FERMT3: variants seen among roughly 807,000 people sequenced by gnomAD.
FERMT3 encodes fermitin family homolog 3.
A neutral mutation model predicts 80.8 loss-of-function variants in FERMT3; 33 were observed. That is an observed-to-expected ratio of 0.41 (90% CI 0.31 to 0.55). The LOEUF (loss-of-function observed/expected upper bound fraction) is 0.55. Among genes scored for constraint, FERMT3 ranks in the 20% least tolerant of loss-of-function variants. The probability of loss-of-function intolerance (pLI) is 0.31; values close to 1 mark genes in which losing one functional copy is unlikely to be tolerated. For synonymous variants in FERMT3, 375 were observed against 372.2 expected (o/e 1.01, Z -0.09); for missense variants, 754 against 908.7 (o/e 0.83, Z 2.19).
At chr11:64,218,073 G>T (rs1398417352) in intron 6 of FERMT3, among the ~76,000 whole-genome samples, 1 of 139,854 alleles carries the variant, frequency 7.2e-6, no homozygotes, top group Non-Finnish European at 1.5e-5. Context: ...GCACGATCTC[G>T]GCTCACTGCA....
intron 6 of FERMT3, among the ~76,000 whole-genome samples, chr11:64,214,148 G>A (rs1946500364): frequency 1.4e-5 from 2 of 144,376 alleles, no homozygotes; most frequent in Admixed American, 6.9e-5. Context: ...TGCTCAAATG[G>A]TTTTGAAGTT....
Position 64,219,923 on chromosome 11 carries a change from A to G in FERMT3, c.1112A>G (p.Gln371Arg). Residue 371 changes from glutamine to arginine, a missense_variant, in exon 10 of 15, where the codon CAA becomes CGA. Gln to Arg is a conservative substitution (Grantham distance 43). Transcript: ENST00000345728. The surrounding 1 kb of genome is among the most constrained non-coding windows in gnomAD (Gnocchi z 4.0). The part of the protein sequence containing the change: ...PRKLTLKGYR[Q>R]HWVVFKETTL... ...AAGCTGACCCTGAAGGGCTACCGCC[A>G]ACACTGGGTGGTGTTCAAGGAGACC... 6.2e-7 allele frequency: 1 copy of G among 1,613,922 alleles called. No individual in the cohort carries two copies. Among genetic ancestry groups the G allele is most frequent in the Non-Finnish European group, 8.5e-7 (1 of 1,180,002 alleles).
chr11:64,212,176 G>A (rs1946457086), intron 6 of FERMT3, among the ~76,000 whole-genome samples: 1 of 152,190 alleles, frequency 6.6e-6, no homozygotes. Flanking sequence ...GGTGAGGAAG[G>A]AAGCTTTGCA....
At chr11:64,221,190 T>A in intron 13 of FERMT3, 50 bp downstream of exon 13, 1 of 1,571,292 alleles carries the variant, frequency 6.4e-7, no homozygotes, top group Non-Finnish European at 8.7e-7. Flanking sequence ...TGCCCTCACC[T>A]GCCACCCGGC....
chr11:64,207,295 A>C (rs1946332138), intron 1 of FERMT3, 56 bp from the exon 2 acceptor site: 1 of 1,610,404 alleles, frequency 6.2e-7, no homozygotes, highest in South Asian at 1.1e-5. Flanking sequence ...TCTTCTGCCC[A>C]AACCCGGAGG....
chr11:64,211,395 G>T lies in FERMT3; in HGVS notation c.635G>T (p.Arg212Leu). 6.2e-7 allele frequency: 1 copy of T among 1,604,960 alleles called. No individual in the cohort carries two copies. The highest frequency in any genetic ancestry group is 2.2e-5 in the East Asian group (1 of 44,458). Residue 212 changes from arginine (R) to leucine (L), a missense_variant, in exon 5 of 15, where the codon CGT (arginine) becomes CTT (leucine). Transcript: ENST00000345728. The surrounding 1 kb of genome is among the most constrained non-coding windows in gnomAD (Gnocchi z 4.7). ...QPPPDPLLLQ[R>L]LPRPSSLSDK... Reference sequence around the variant, plus strand: ...CCACCCGACCCCCTCCTGCTCCAGCGTCTGCCACGGCCCAGCTCCCTGTCA... The same window carrying T: ...CCACCCGACCCCCTCCTGCTCCAGCTTCTGCCACGGCCCAGCTCCCTGTCA...
chr11:64,213,755 T>G (rs560931829), intron 6 of FERMT3, among the ~76,000 whole-genome samples: 2 of 150,682 alleles, frequency 1.3e-5, no homozygotes, highest in Admixed American at 6.6e-5. Context: ...ATGGACGGGG[T>G]TTCTCCATGT....
chr11:64,216,225 C>A lies in FERMT3; in HGVS notation c.787-3026C>A, dbSNP rs1946546152. 2.9e-5 allele frequency among the ~76,000 whole-genome samples: 4 copies of A among 138,792 alleles called. No individual in the cohort carries two copies. The Admixed American group carries it at 2.9e-4, about 10-fold the overall frequency. 91.1% of individuals were successfully genotyped at this position (138,792 alleles called of 152,430 possible). On this transcript the variant is annotated intron_variant, in intron 6 of 14. Transcript: ENST00000345728. ...TTTTTTTTTTTTTTTGAGATGGAGT[C>A]TTCTTCTGTCACCCAGGCTGGAGTG...
intron 12 of FERMT3, 52 bp downstream of exon 12, chr11:64,220,721 C>T: frequency 6.7e-7 from 1 of 1,500,782 alleles, no homozygotes; most frequent in Non-Finnish European, 9.1e-7. Context: ...CCAGAGACCT[C>T]TGACCCCTGG....
In FERMT3 at chr11:64,223,854, T is replaced by C. The variant is rs371675666; in HGVS notation, c.*362T>C. On this transcript the variant is annotated 3_prime_UTR_variant, in exon 15 of 15. Coordinates refer to ENST00000345728, the MANE Select transcript of FERMT3 (RefSeq NM_031471.6). The stretch of plus-strand genomic sequence containing the variant: ...GTTCTTTCTTGTTACTTTTTAAAAT[T>C]TCTTTTTTATAAATTAATATTTTAT... 5 of 1,489,778 alleles carry C rather than the reference T, an allele frequency of 3.4e-6. No individual in the cohort carries two copies. In the African/African-American group the frequency reaches 5.7e-5, roughly 17 times the overall value. 92.3% of individuals were successfully genotyped at this position (1,489,778 alleles called of 1,614,324 possible). A position where few individuals can be genotyped will look rare whatever the true frequency, so the allele number is the denominator to read the frequency against.
At position 64,223,842 on chromosome 11, in the gene FERMT3, AC is replaced by A. The variant is rs747018387; in HGVS notation, c.*351del. 7.1e-7 allele frequency: 1 copy of A among 1,403,566 alleles called. No individual in the cohort carries two copies. The highest frequency in any genetic ancestry group is 1.3e-5 in the South Asian group (1 of 75,872). The allele number at this position is 1,403,566 out of a possible 1,614,324, so 86.9% of individuals were successfully genotyped here. On this transcript the variant is annotated 3_prime_UTR_variant, in exon 15 of 15. Transcript: ENST00000345728. ...GGTTTCAAACGAGTTCTTTCTTGTTACTTTTTAAAATTTCTTTTTTATAAAT... is the reference window on the plus strand; with the variant it reads ...GGTTTCAAACGAGTTCTTTCTTGTTATTTTTAAAATTTCTTTTTTATAAAT...
At position 64,219,263 on chromosome 11, in the gene FERMT3, C is replaced by A. The variant is rs200298184; in HGVS notation, c.799C>A (p.Arg267=). The change falls in exon 7 of 15, where the codon CGG becomes AGG. Residue 267 remains arginine (R), a synonymous_variant. Coordinates refer to ENST00000345728, the MANE Select transcript of FERMT3 (RefSeq NM_031471.6). This position sits in a 1 kb window ranked among gnomAD's most constrained non-coding sequence, Gnocchi z 4.0. ...FDLDPKTDPV[R]LTQLYEQARW... is the part of the protein sequence containing the mutation. Reference sequence around the variant, plus strand: ...CCCCCCGCTCCAGACAGACCCCGTGCGGCTGACACAGCTGTATGAGCAGGC... The same window carrying A: ...CCCCCCGCTCCAGACAGACCCCGTGAGGCTGACACAGCTGTATGAGCAGGC... The A allele has an allele frequency of 3.1e-6, 5 of 1,598,550 alleles. No individual in the cohort carries two copies. Among genetic ancestry groups the A allele is most frequent in the South Asian group, 2.3e-5 (2 of 88,650 alleles).
At chr11:64,222,765 C>G (rs1481892142) in intron 13 of FERMT3, among the ~76,000 whole-genome samples, 1 of 152,124 alleles carries the variant, frequency 6.6e-6, no homozygotes, top group Non-Finnish European at 1.5e-5. Flanking sequence ...AGGGAGACAG[C>G]AGTTGATGAG....
At chr11:64,215,262 A>C (rs939650186) in intron 6 of FERMT3, among the ~76,000 whole-genome samples, 1 of 152,190 alleles carries the variant, frequency 6.6e-6, no homozygotes, top group Non-Finnish European at 1.5e-5. Flanking sequence ...TCTGCTTTCC[A>C]TGTGGCTTTA....
At position 64,220,109 on chromosome 11, in the gene FERMT3, C is replaced by T. The variant is rs1296678409; in HGVS notation, c.1204+94C>T. The stretch of plus-strand genomic sequence containing the variant: ...ACCGGCCCTGTTTCCTCCTGGAGAC[C>T]GGGGAAGATGCCCTCTGTCCTGAGG... On this transcript the variant is annotated intron_variant, in intron 10 of 14. Coordinates refer to ENST00000345728, the MANE Select transcript of FERMT3 (RefSeq NM_031471.6). 5.7e-6 allele frequency: 9 copies of T among 1,575,682 alleles called. No homozygotes were observed. The East Asian group carries it at 6.7e-5, about 12-fold the overall frequency.
chr11:64,206,955 T>A (rs1442886265), intron 1 of FERMT3, 141 bp downstream of exon 1: 1 of 175,768 alleles, frequency 5.7e-6, no homozygotes, highest in Non-Finnish European at 1.2e-5. Context: ...GATGTTGGCA[T>A]CTGAGCTGTG....
intron 6 of FERMT3, among the ~76,000 whole-genome samples, chr11:64,217,278 G>A (rs1299122506): frequency 2.6e-5 from 4 of 152,144 alleles, no homozygotes; most frequent in African/African-American, 4.8e-5. Flanking sequence ...TGCCGGGCAC[G>A]GTGGCTCACG....
Position 64,221,039 on chromosome 11 carries a change from C to G in FERMT3, c.1569C>G (p.Ala523=). Reference sequence around the variant, plus strand: ...AGCTCACCCCACGGATCCTGGAAGCCCACCAGAATGTGGCCCAGTTGTCGC... The same window carrying G: ...AGCTCACCCCACGGATCCTGGAAGCGCACCAGAATGTGGCCCAGTTGTCGC... ...AKQLTPRILE[A]HQNVAQLSLA... The change falls in exon 13 of 15, where the codon GCC becomes GCG. Residue 523 remains alanine, a synonymous_variant. Transcript: ENST00000345728. 6.2e-7 allele frequency: 1 copy of G among 1,612,852 alleles called. No individual in the cohort carries two copies. Among genetic ancestry groups the G allele is most frequent in the Non-Finnish European group, 8.5e-7 (1 of 1,180,006 alleles).
At chr11:64,215,235 A>T (rs1289716809) in intron 6 of FERMT3, among the ~76,000 whole-genome samples, 1 of 151,944 alleles carries the variant, frequency 6.6e-6, no homozygotes, top group Non-Finnish European at 1.5e-5. Context: ...CTCCTCCCAC[A>T]CCCCGACCAC....
Sources: gnomAD v4.1 joint callset for allele counts (sites outside exome capture counted in the v4.1 genomes callset) on GRCh38, gnomAD v4.1.1 for gene constraint, Gnocchi (gnomAD v3.1) non-coding constraint, MANE v1.5 for transcripts, NCBI Gene and HGNC (gene_info 2026-07-23, HGNC 2026-07-21) for gene names.